Variants in LSM14A observed in about 807,000 individuals in gnomAD.
The protein encoded by LSM14A is protein LSM14 homolog A.
LSM14A carries 14 observed loss-of-function variants against 52.4 expected under a neutral mutation model. That is an observed-to-expected ratio of 0.27 (90% CI 0.18 to 0.42). LSM14A has a LOEUF of 0.42. LSM14A is among the 10% of genes least tolerant of loss of function. The probability of loss-of-function intolerance (pLI) is 1.00; values close to 1 mark genes in which losing one functional copy is unlikely to be tolerated. For missense variants in LSM14A, 417 were observed against 581.8 expected, an observed-to-expected ratio of 0.72 and a Z score of 2.91; for synonymous variants, 185 against 200.3, an observed-to-expected ratio of 0.92 and a Z score of 0.64.
intron 9 of LSM14A, among the ~76,000 whole-genome samples, chr19:34,226,176 A>G (rs1489842547): frequency 2.0e-5 from 3 of 152,140 alleles, no homozygotes; most frequent in Non-Finnish European, 4.4e-5. Flanking sequence ...AGGACTAGCA[A>G]TAATAATGTA....
At chr19:34,173,051 C>A (rs2068817204) in intron 1 of LSM14A, among the ~76,000 whole-genome samples, 1 of 152,242 alleles carries the variant, frequency 6.6e-6, no homozygotes, top group Non-Finnish European at 1.5e-5. Context: ...CACGGAGAAA[C>A]GCGTCTTCCA....
Position 34,172,512 on chromosome 19 carries a change from C to A in LSM14A, c.-131C>A. On this transcript the variant is annotated 5_prime_UTR_variant, in exon 1 of 10. Coordinates refer to ENST00000544216, the MANE Select transcript of LSM14A (RefSeq NM_015578.4). ...GGAGGCTGGGGGAGGGTAGCGGAGC[C>A]GGCGCCGCCGCCATGTTGGGTCTGA... 1 of 1,070,250 alleles carries A rather than the reference C, an allele frequency of 9.3e-7. No individual in the cohort carries two copies. The highest frequency in any genetic ancestry group is 1.2e-6 in the Non-Finnish European group (1 of 833,986). The allele number at this position is 1,070,250 out of a possible 1,614,324, so 66.3% of individuals were successfully genotyped here.
rs141227769 is a variant in LSM14A at position 34,192,840 on chromosome 19, A to G, written c.122-1638A>G. Among the ~76,000 whole-genome samples, 1,087 of 151,760 alleles carry G rather than the reference A, an allele frequency of 7.2e-3. 4 individuals are homozygous for G. The highest frequency in any genetic ancestry group is 0.014 in the Middle Eastern group (4 of 294). ...AAAAAAATACAAAAATTAGCTGCGCATGGTGGCACACGCCTGTAATCCCAG... is the reference window on the plus strand; with the variant it reads ...AAAAAAATACAAAAATTAGCTGCGCGTGGTGGCACACGCCTGTAATCCCAG... On this transcript the variant is annotated intron_variant, in intron 1 of 9. Coordinates refer to ENST00000544216, the MANE Select transcript of LSM14A (RefSeq NM_015578.4).
In LSM14A at chr19:34,227,912, A is replaced by G. The variant is rs2073431121; in HGVS notation, c.*524A>G. 6.6e-6 allele frequency: 1 copy of G among 152,384 alleles called. No individual in the cohort carries two copies. The highest frequency in any genetic ancestry group is 2.4e-5 in the African/African-American group (1 of 41,234). 9.4% of individuals were successfully genotyped at this position (152,384 alleles called of 1,614,324 possible). The stretch of plus-strand genomic sequence containing the variant: ...TTTCGTCAATTAATTAGGGTGCTGG[A>G]TGGTAGAGAATTTTGTCAGTCAACT... On this transcript the variant is annotated 3_prime_UTR_variant, in exon 10 of 10. Transcript: ENST00000544216.
chr19:34,182,523 T>C (rs956159377), intron 1 of LSM14A, among the ~76,000 whole-genome samples: 2 of 152,060 alleles, frequency 1.3e-5, no homozygotes, highest in Non-Finnish European at 2.9e-5. Flanking sequence ...AGTGTTTCTC[T>C]GTGGACCTTG....
chr19:34,226,378 T>C, intron 9 of LSM14A: 9 of 542,742 alleles, frequency 1.7e-5, no homozygotes, highest in African/African-American at 2.2e-5. Flanking sequence ...TCTTTCTCTT[T>C]TTTTTTTTTT....
intron 1 of LSM14A, among the ~76,000 whole-genome samples, chr19:34,188,135 A>C (rs765273448): frequency 1.3e-5 from 2 of 152,028 alleles, no homozygotes; most frequent in African/African-American, 2.4e-5. Flanking sequence ...AAAAATACAA[A>C]AATTAGCCAG....
At position 34,172,720 on chromosome 19, in the gene LSM14A, C is replaced by T; in HGVS notation, c.78C>T (p.Leu26=). The change falls in exon 1 of 10, where the codon CTC becomes CTT. Residue 26 remains leucine (L), a synonymous_variant. Coordinates refer to ENST00000544216, the MANE Select transcript of LSM14A (RefSeq NM_015578.4). Reference sequence around the variant, plus strand: ...CGGAGATCCGCTACGAGGGCATCCTCTACACCATCGACACCGAAAACTCCA... The same window carrying T: ...CGGAGATCCGCTACGAGGGCATCCTTTACACCATCGACACCGAAAACTCCA... ...SKAEIRYEGI[L]YTIDTENSTV... is the part of the protein sequence containing the mutation. 1.9e-6 allele frequency: 3 copies of T among 1,580,724 alleles called. No homozygotes were observed. Among genetic ancestry groups the T allele is most frequent in the African/African-American group, 1.4e-5 (1 of 71,592 alleles).
chr19:34,212,376 G>C (rs1294018308), intron 4 of LSM14A, among the ~76,000 whole-genome samples: 3 of 152,104 alleles, frequency 2.0e-5, no homozygotes, highest in Non-Finnish European at 4.4e-5. Flanking sequence ...TGGAGAGAAG[G>C]CTGTCTGTTC....
rs2073474464 is a variant in LSM14A, at chr19:34,229,090, T to A, written c.*1702T>A. ...GACTGTTGGAGATGTCCCGGGCCAA[T>A]TTCAAGAAAGAAAACTGTAAATACT... On this transcript the variant is annotated 3_prime_UTR_variant, in exon 10 of 10. Transcript: ENST00000544216. 1 of 152,162 alleles carries A rather than the reference T, an allele frequency of 6.6e-6. No individual in the cohort carries two copies. Among genetic ancestry groups the A allele is most frequent in the Non-Finnish European group, 1.5e-5 (1 of 68,024 alleles). 9.4% of individuals were successfully genotyped at this position (152,162 alleles called of 1,614,324 possible).
At chr19:34,226,998 G>A (rs972239019) in intron 9 of LSM14A, among the ~76,000 whole-genome samples, 1 of 152,196 alleles carries the variant, frequency 6.6e-6, no homozygotes, top group East Asian at 1.9e-4. Flanking sequence ...TATGAAACTT[G>A]TTTCAAAGTA....
intron 4 of LSM14A, among the ~76,000 whole-genome samples, chr19:34,209,528 G>C (rs1339064054): frequency 6.6e-6 from 1 of 152,062 alleles, no homozygotes; most frequent in African/African-American, 2.4e-5. Flanking sequence ...TAAATCCTGA[G>C]ACTTATACAT....
At chr19:34,187,436 A>C (rs899062092) in intron 1 of LSM14A, among the ~76,000 whole-genome samples, 15 of 152,116 alleles carry the variant, frequency 9.9e-5, no homozygotes, top group Middle Eastern at 3.4e-3. Context: ...GTGCCACCAC[A>C]ACCGGCTAAT....
At chr19:34,216,511 G>C (rs1305400152) in intron 6 of LSM14A, among the ~76,000 whole-genome samples, 5 of 151,896 alleles carry the variant, frequency 3.3e-5, no homozygotes, top group Non-Finnish European at 5.9e-5. Context: ...CCAGGCTGTA[G>C]TGCAGTGGTG....
intron 3 of LSM14A, among the ~76,000 whole-genome samples, chr19:34,206,248 G>A (rs914642307): frequency 6.6e-6 from 1 of 152,190 alleles, no homozygotes; most frequent in Non-Finnish European, 1.5e-5. Context: ...ATGCATGCCT[G>A]TAGTCCCAGT....
At chr19:34,217,632 T>G (rs1438962899) in intron 6 of LSM14A, among the ~76,000 whole-genome samples, 6 of 121,636 alleles carry the variant, frequency 4.9e-5, no homozygotes, top group Non-Finnish European at 6.8e-5. Context: ...TTTTTTTTTT[T>G]TTTTTTTTTT....
chr19:34,185,509 C>T (rs920147946), intron 1 of LSM14A, among the ~76,000 whole-genome samples: 3 of 152,050 alleles, frequency 2.0e-5, no homozygotes, highest in African/African-American at 7.2e-5. Flanking sequence ...GGAAGCAGGC[C>T]GTGATGTGGT....
At chr19:34,223,732 G>A (rs2073190656) in intron 9 of LSM14A, among the ~76,000 whole-genome samples, 2 of 152,232 alleles carry the variant, frequency 1.3e-5, no homozygotes, top group Non-Finnish European at 2.9e-5. Flanking sequence ...CCTTGTTGAA[G>A]ACCACATTGA....
chr19:34,217,814 A>T (rs1304323782), intron 6 of LSM14A, among the ~76,000 whole-genome samples: 1 of 150,226 alleles, frequency 6.7e-6, no homozygotes, highest in Non-Finnish European at 1.5e-5. Flanking sequence ...GACTCATTAT[A>T]TTTTACCCTT....
Sources: allele counts gnomAD v4.1 joint callset (sites outside exome capture counted in the v4.1 genomes callset), GRCh38; gene constraint gnomAD v4.1.1; transcripts MANE v1.5; gene names NCBI Gene and HGNC (gene_info 2026-07-23, HGNC 2026-07-21).